Variants in MPHOSPH9 observed in about 807,000 individuals in gnomAD.
MPHOSPH9 encodes the protein M-phase phosphoprotein 9.
Under a neutral mutation model 145.5 loss-of-function variants are expected in MPHOSPH9, and 88 were observed. The observed-to-expected ratio is 0.60, with a 90% CI of 0.51 to 0.72. MPHOSPH9 has a LOEUF of 0.72. Among genes scored for constraint, MPHOSPH9 ranks in the 30% least tolerant of loss-of-function variants. The pLI is 0.00. For synonymous variants in MPHOSPH9, 435 were observed against 486.2 expected, an observed-to-expected ratio of 0.89 and a Z score of 1.39; for missense variants, 1,238 against 1,386.6, an observed-to-expected ratio of 0.89 and a Z score of 1.70.
Position 123,165,192 on chromosome 12 carries a change from CA to C in MPHOSPH9, c.2767+109del, listed in dbSNP as rs879321035. On this transcript the variant is annotated intron_variant, in intron 18 of 23. Transcript: ENST00000606320. Reference sequence around the variant, plus strand: ...AAGTAGCAGTAAAATAGCAAGTTTACAGAGCTAAAACTTTTAATTTCATTAC... The same window carrying C: ...AAGTAGCAGTAAAATAGCAAGTTTACGAGCTAAAACTTTTAATTTCATTAC... 5.9e-4 allele frequency: 613 copies of C among 1,043,662 alleles called. 3 individuals are homozygous for C. In the Middle Eastern group the frequency reaches 6.4e-3, roughly 11 times the overall value. 64.7% of individuals were successfully genotyped at this position (1,043,662 alleles called of 1,614,324 possible). A position where few individuals can be genotyped will look rare whatever the true frequency, so the allele number is the denominator to read the frequency against.
At position 123,160,860 on chromosome 12, in the gene MPHOSPH9, A is replaced by C; in HGVS notation, c.3382-11T>G. On this transcript the variant is annotated splice_polypyrimidine_tract_variant and intron_variant, in intron 22 of 23. Transcript: ENST00000606320. ...TAGTGCTGCCTCAATCTGTTAACAC[A>C]CGAAAAAAATATGTTTAAATTACTG... The C allele has an allele frequency of 6.2e-7, 1 of 1,612,878 alleles. No individual in the cohort carries two copies.
downstream of MPHOSPH9, chr12:123,152,760 C>T (rs2043800066): frequency 2.8e-6 from 1 of 352,412 alleles, no homozygotes; most frequent in Admixed American, 3.8e-5. Flanking sequence ...AAAATTTGTG[C>T]AATATAGTGG....
At chr12:123,205,890 C>G (rs1288277838) in intron 8 of MPHOSPH9, among the ~76,000 whole-genome samples, 1 of 152,064 alleles carries the variant, frequency 6.6e-6, no homozygotes, top group Non-Finnish European at 1.5e-5. Flanking sequence ...CAAAATTGGC[C>G]AAATAGGTAT....
intron 8 of MPHOSPH9, among the ~76,000 whole-genome samples, chr12:123,208,691 A>G (rs2046557638): frequency 6.6e-6 from 1 of 152,094 alleles, no homozygotes; most frequent in African/African-American, 2.4e-5. Context: ...GACCTACTAC[A>G]TATGAAATAG....
chr12:123,169,845 C>T lies in MPHOSPH9; in HGVS notation c.2457-3056G>A, dbSNP rs564400133. 1.8e-3 allele frequency among the ~76,000 whole-genome samples: 269 copies of T among 152,166 alleles called. 3 individuals are homozygous for T. The South Asian group carries it at 0.023, about 13-fold the overall frequency. On this transcript the variant is annotated intron_variant, in intron 16 of 23. Coordinates refer to ENST00000606320, the MANE Select transcript of MPHOSPH9 (RefSeq NM_022782.4). ...CCTTAAGTGATCTGCCCACCTTGGCCTCCCAAAGTGCTGGGATTACAGGTG... is the reference window on the plus strand; with the variant it reads ...CCTTAAGTGATCTGCCCACCTTGGCTTCCCAAAGTGCTGGGATTACAGGTG...
Position 123,164,134 on chromosome 12 carries a change from C to G in MPHOSPH9, c.2768-44G>C, listed in dbSNP as rs552021558. Reference sequence around the variant, plus strand: ...AAGCAAAACAAAAAACAAATCAAAACAAGCCTACGCTTCAGTTATCCACCT... The same window carrying G: ...AAGCAAAACAAAAAACAAATCAAAAGAAGCCTACGCTTCAGTTATCCACCT... On this transcript the variant is annotated intron_variant, in intron 18 of 23. Coordinates refer to ENST00000606320, the MANE Select transcript of MPHOSPH9 (RefSeq NM_022782.4). The G allele has an allele frequency of 2.3e-5, 37 of 1,611,260 alleles. No individual in the cohort carries two copies. The East Asian group carries it at 7.8e-4, about 34-fold the overall frequency.
chr12:123,199,016 C>T (rs1790126), intron 11 of MPHOSPH9, among the ~76,000 whole-genome samples: 96,291 of 150,492 alleles, frequency 0.64, 35,168 homozygotes, highest in East Asian at 1. Context: ...TTTTTTCTTT[C>T]TTTTTTTGAG....
rs2851435 is a variant in MPHOSPH9 at position 123,227,869 on chromosome 12, G to A, written c.105-253C>T. 0.79 allele frequency among the ~76,000 whole-genome samples: 120,416 copies of A among 152,086 alleles called. 47,893 individuals carry two copies. The highest frequency in any genetic ancestry group is 1 in the East Asian group (5,160 of 5,182). ...AAGTGAGAGAACACTCCAAAGGATC[G>A]GCAGAAAATAGAAAAAGTCTGTGCT... On this transcript the variant is annotated intron_variant, in intron 2 of 23. Coordinates refer to ENST00000606320, the MANE Select transcript of MPHOSPH9 (RefSeq NM_022782.4).
intron 12 of MPHOSPH9, 51 bp downstream of exon 12, chr12:123,198,196 G>T: frequency 3.0e-6 from 4 of 1,346,466 alleles, no homozygotes; most frequent in Non-Finnish European, 4.2e-6. Context: ...ATGTTATCAC[G>T]AAATAATTCA....
At chr12:123,158,055 T>C (rs1434345177) in intron 23 of MPHOSPH9, among the ~76,000 whole-genome samples, 1 of 151,938 alleles carries the variant, frequency 6.6e-6, no homozygotes, top group African/African-American at 2.4e-5. Flanking sequence ...AGTGGCACAA[T>C]CTCAGCTCAC....
In MPHOSPH9 at chr12:123,202,735, G is replaced by A. The variant is rs1340005425; in HGVS notation, c.1670C>T (p.Thr557Ile). 3 of 1,614,026 alleles carry A rather than the reference G, an allele frequency of 1.9e-6. No individual in the cohort carries two copies. The highest frequency in any genetic ancestry group is 2.5e-6 in the Non-Finnish European group (3 of 1,180,010). The stretch of plus-strand genomic sequence containing the variant: ...GACTGAGGCCGAAGCAACCATGACA[G>A]TGTTTTCTTCATCTACAGTGTTGAC... ...ISVNTVDEEN[T>I]VMVASASVSQ... The change falls in exon 10 of 24, where the codon ACT (threonine) becomes ATT (isoleucine). Residue 557 changes from threonine to isoleucine, a missense_variant. Thr to Ile is a moderately conservative substitution (Grantham distance 89). Transcript: ENST00000606320.
chr12:123,217,630 C>T (rs1329838917), intron 6 of MPHOSPH9, among the ~76,000 whole-genome samples: 2 of 152,138 alleles, frequency 1.3e-5, no homozygotes, highest in Non-Finnish European at 2.9e-5. Flanking sequence ...GAAATAGGAC[C>T]TCTGCAAATG....
chr12:123,235,418 G>A (rs1044722151), upstream of MPHOSPH9, among the ~76,000 whole-genome samples: 2 of 152,076 alleles, frequency 1.3e-5, no homozygotes, highest in Non-Finnish European at 2.9e-5. Flanking sequence ...TTGTGTGTGT[G>A]TGTGTGACAG....
chr12:123,164,445 C>T (rs370741639), intron 18 of MPHOSPH9, among the ~76,000 whole-genome samples: 120 of 152,212 alleles, frequency 7.9e-4, no homozygotes, highest in African/African-American at 2.3e-3. Flanking sequence ...ACCGCAAAGA[C>T]GCTGGCAGGA....
intron 1 of MPHOSPH9, among the ~76,000 whole-genome samples, chr12:123,231,179 G>C (rs1007025392): frequency 6.6e-6 from 1 of 151,976 alleles, no homozygotes; most frequent in Non-Finnish European, 1.5e-5. Flanking sequence ...ACAGCATCTT[G>C]CTATGTTGCC....
intron 12 of MPHOSPH9, among the ~76,000 whole-genome samples, chr12:123,196,668 AC>A (rs1345192250): frequency 6.6e-6 from 1 of 152,190 alleles, no homozygotes; most frequent in African/African-American, 2.4e-5. Flanking sequence ...TTAGTTATAT[AC>A]CCAAGGAAAC....
At chr12:123,203,700 T>C (rs913301935) in intron 8 of MPHOSPH9, among the ~76,000 whole-genome samples, 1 of 152,158 alleles carries the variant, frequency 6.6e-6, no homozygotes, top group Non-Finnish European at 1.5e-5. Context: ...CTGGGTTTCT[T>C]TGAGACAAGG....
intron 2 of MPHOSPH9, among the ~76,000 whole-genome samples, chr12:123,229,821 A>ATT (rs370919298): frequency 0.54 from 73,435 of 135,702 alleles, 24,087 homozygotes; most frequent in Non-Finnish European, 0.71. Flanking sequence ...GTCCCCGAAC[A>ATT]TTTTTTTTTT....
chr12:123,216,034 G>T (rs545980868), intron 6 of MPHOSPH9, among the ~76,000 whole-genome samples: 1 of 152,176 alleles, frequency 6.6e-6, no homozygotes, highest in East Asian at 1.9e-4. Flanking sequence ...TCAGGAGATT[G>T]GGATTATCCT....
Sources: allele counts gnomAD v4.1 joint callset (sites outside exome capture counted in the v4.1 genomes callset), GRCh38; gene constraint gnomAD v4.1.1; transcripts MANE v1.5; gene names NCBI Gene and HGNC (gene_info 2026-07-23, HGNC 2026-07-21).